DEAF1: variants seen among roughly 807,000 people sequenced by gnomAD.
DEAF1 encodes DEAF1 transcription factor.
Under a neutral mutation model 58.9 loss-of-function variants are expected in DEAF1, and 53 were observed. The ratio of observed to expected loss-of-function variants is 0.90; its 90% CI spans 0.72 to 1.13. DEAF1 has a LOEUF of 1.13. DEAF1 is among the 50% of genes most tolerant of loss of function. The pLI is 0.00. For missense variants in DEAF1, 685 were observed against 791.4 expected, an observed-to-expected ratio of 0.87 and a Z score of 1.61; for synonymous variants, 385 against 340.4, an observed-to-expected ratio of 1.13 and a Z score of -1.44.
chr11:658,320 T>A (rs1859155871), intron 10 of DEAF1, among the ~76,000 whole-genome samples: 1 of 152,128 alleles, frequency 6.6e-6, no homozygotes, highest in Admixed American at 6.6e-5. Context: ...TCCCGGCTAC[T>A]CGCGAGGCTA....
rs941811160 is a variant in DEAF1 at position 686,718 on chromosome 11, A to G, written c.804+140T>C. 2.2e-5 allele frequency: 25 copies of G among 1,152,778 alleles called. No homozygotes were observed. In the African/African-American group the frequency reaches 3.8e-4, roughly 18 times the overall value. The allele number at this position is 1,152,778 out of a possible 1,614,324, so 71.4% of individuals were successfully genotyped here. ...ACATGAGAGGGTAAATCACTCGCCC[A>G]AGGCCACACAGACAGCAGGTGGAGG... On this transcript the variant is annotated intron_variant, in intron 5 of 11. Transcript: ENST00000382409.
intron 10 of DEAF1, among the ~76,000 whole-genome samples, chr11:660,498 CCCA>C (rs1362692509): frequency 1.3e-5 from 2 of 152,252 alleles, no homozygotes; most frequent in Non-Finnish European, 2.9e-5. Context: ...GGCCGCCCCT[CCCA>C]CCACAACACC....
intron 1 of DEAF1, chr11:700,831 C>T: frequency 2.1e-6 from 2 of 935,298 alleles, no homozygotes; most frequent in East Asian, 2.4e-5. Context: ...AACTGCTTAC[C>T]CAGTTGCTTT....
intron 11 of DEAF1, among the ~76,000 whole-genome samples, chr11:646,922 T>C (rs1858523271): frequency 6.6e-6 from 1 of 151,556 alleles, no homozygotes; most frequent in African/African-American, 2.4e-5. Context: ...CTTCGGGAGG[T>C]TGAGGTCACT....
chr11:657,597 A>G (rs1479762062), intron 10 of DEAF1, among the ~76,000 whole-genome samples: 1 of 152,218 alleles, frequency 6.6e-6, no homozygotes, highest in Non-Finnish European at 1.5e-5. Flanking sequence ...CAAAGGGAGA[A>G]GCAGTCCTGT....
In DEAF1 at chr11:644,489, G is replaced by T; in HGVS notation, c.*61C>A. 1 of 1,371,160 alleles carries T rather than the reference G, an allele frequency of 7.3e-7. No individual in the cohort carries two copies. Among genetic ancestry groups the T allele is most frequent in the Non-Finnish European group, 1.0e-6 (1 of 975,324 alleles). The allele number at this position is 1,371,160 out of a possible 1,614,324, so 84.9% of individuals were successfully genotyped here. A position where few individuals can be genotyped will look rare whatever the true frequency, so the allele number is the denominator to read the frequency against. ...CCCCAGAGTCCTCAGGGGGGCCTTC[G>T]ACCTGCAAAAGCCTCACAGGAGTGC... On this transcript the variant is annotated 3_prime_UTR_variant, in exon 12 of 12. Transcript: ENST00000382409. This position sits in a 1 kb window ranked among gnomAD's most constrained non-coding sequence, Gnocchi z 4.3.
intron 1 of DEAF1, among the ~76,000 whole-genome samples, chr11:702,274 G>GC (rs983923007): frequency 6.6e-6 from 1 of 152,226 alleles, no homozygotes; most frequent in Non-Finnish European, 1.5e-5. Context: ...TCTAGAGCTT[G>GC]CCCCCCAGGG....
At chr11:695,890 G>A, upstream of DEAF1, 2 of 1,217,362 alleles carry the variant, frequency 1.6e-6, no homozygotes, top group Admixed American at 4.2e-5. Context: ...GCAGCGGCGG[G>A]CGCGGCGTTT....
intron 10 of DEAF1, among the ~76,000 whole-genome samples, chr11:666,910 T>C (rs923464832): frequency 8.3e-6 from 1 of 120,470 alleles, no homozygotes; most frequent in South Asian, 2.7e-4. Context: ...AAAAAAGAAA[T>C]AGTTATAGCC....
chr11:645,465 C>T (rs569185723), intron 11 of DEAF1, among the ~76,000 whole-genome samples: 79 of 152,112 alleles, frequency 5.2e-4, no homozygotes, highest in Non-Finnish European at 9.3e-4. Flanking sequence ...TACAGGTGCA[C>T]GCCACCACAC....
chr11:687,688 G>A lies in DEAF1; in HGVS notation c.664+223C>T, dbSNP rs545653034. ...AATTTTTTGTATTTTTAGTAGAGACGGGTTTTCATCGTGTTAGCCAGGATA... is the reference window on the plus strand; with the variant it reads ...AATTTTTTGTATTTTTAGTAGAGACAGGTTTTCATCGTGTTAGCCAGGATA... On this transcript the variant is annotated intron_variant, in intron 4 of 11. Coordinates refer to ENST00000382409, the MANE Select transcript of DEAF1 (RefSeq NM_021008.4). 3.3e-5 allele frequency among the ~76,000 whole-genome samples: 5 copies of A among 152,208 alleles called. No individual in the cohort carries two copies. The South Asian group carries it at 6.2e-4, about 19-fold the overall frequency.
intron 10 of DEAF1, among the ~76,000 whole-genome samples, chr11:672,007 T>C (rs1859850181): frequency 6.6e-6 from 1 of 152,156 alleles, no homozygotes; most frequent in Non-Finnish European, 1.5e-5. Flanking sequence ...GGAGCTGCAG[T>C]GTCACTGTCA....
chr11:669,095 G>A (rs1429362757), intron 10 of DEAF1, among the ~76,000 whole-genome samples: 1 of 150,402 alleles, frequency 6.6e-6, no homozygotes, highest in Non-Finnish European at 1.5e-5. Context: ...AAACTGCTGG[G>A]ATTACAGGCG....
chr11:692,659 C>G (rs1340503509), intron 1 of DEAF1, among the ~76,000 whole-genome samples: 2 of 152,144 alleles, frequency 1.3e-5, no homozygotes, highest in Non-Finnish European at 2.9e-5. Context: ...TCGAGACCAG[C>G]CTGACCAACA....
intron 11 of DEAF1, among the ~76,000 whole-genome samples, chr11:649,034 T>C (rs1044007982): frequency 3.3e-5 from 5 of 152,306 alleles, no homozygotes; most frequent in Non-Finnish European, 7.4e-5. Context: ...GAGGGTTACT[T>C]GAGCCCAGGA....
At chr11:661,337 A>G (rs1430635145) in intron 10 of DEAF1, among the ~76,000 whole-genome samples, 1 of 151,978 alleles carries the variant, frequency 6.6e-6, no homozygotes, top group East Asian at 1.9e-4. Context: ...ACACGAATGC[A>G]GATTTCCCAT....
intron 6 of DEAF1, among the ~76,000 whole-genome samples, chr11:682,744 C>T (rs935092500): frequency 3.3e-5 from 5 of 152,198 alleles, no homozygotes; most frequent in African/African-American, 7.2e-5. Context: ...ATTGGGGCTC[C>T]GTATGCTTGG....
At chr11:668,946 C>G (rs1321267914) in intron 10 of DEAF1, among the ~76,000 whole-genome samples, 1 of 152,170 alleles carries the variant, frequency 6.6e-6, no homozygotes, top group Non-Finnish European at 1.5e-5. Flanking sequence ...CTGCCTCAGC[C>G]TCCTGAGCAG....
chr11:688,641 A>G lies in DEAF1; in HGVS notation c.388-181T>C, dbSNP rs527408390. Among the ~76,000 whole-genome samples the G allele has an allele frequency of 4.6e-5, 7 of 152,318 alleles. No homozygotes were observed. The East Asian group carries it at 1.3e-3, about 29-fold the overall frequency. Reference sequence around the variant, plus strand: ...TCAAAGACTTGAAAACAGAGCCAAGAACAAGAACAGACAATGCCGAAGTCT... The same window carrying G: ...TCAAAGACTTGAAAACAGAGCCAAGGACAAGAACAGACAATGCCGAAGTCT... On this transcript the variant is annotated intron_variant, in intron 2 of 11. Transcript: ENST00000382409. The surrounding 1 kb of genome is among the most constrained non-coding windows in gnomAD (Gnocchi z 4.3).
Sources: gnomAD v4.1 joint callset for allele counts (sites outside exome capture counted in the v4.1 genomes callset) on GRCh38, gnomAD v4.1.1 for gene constraint, Gnocchi (gnomAD v3.1) non-coding constraint, MANE v1.5 for transcripts, NCBI Gene and HGNC (gene_info 2026-07-23, HGNC 2026-07-21) for gene names.